The following CPA6 variants were observed in gnomAD, a reference collection of about 807,000 sequenced individuals.
CPA6 encodes carboxypeptidase A6.
Under a neutral mutation model 63.3 loss-of-function variants are expected in CPA6, and 58 were observed. The ratio of observed to expected loss-of-function variants is 0.92; its 90% CI spans 0.74 to 1.14. The LOEUF (loss-of-function observed/expected upper bound fraction) is 1.14. Ranked by LOEUF, CPA6 falls within the 50% of genes most tolerant of loss-of-function variation. CPA6 has a pLI of 0.00. For synonymous variants in CPA6, 185 were observed against 179.0 expected (o/e 1.03, Z -0.27); for missense variants, 565 against 526.6 (o/e 1.07, Z -0.71).
rs148242381 is a variant in CPA6 at position 67,691,292 on chromosome 8, C to T, written c.116+54722G>A. On this transcript the variant is annotated intron_variant, in intron 1 of 10. Transcript: ENST00000297770. Reference sequence around the variant, plus strand: ...CGAGGTTGGTGGTGACTATCAATATCTTTGTGTTCTTCTCCTTCCTTGGTA... The same window carrying T: ...CGAGGTTGGTGGTGACTATCAATATTTTTGTGTTCTTCTCCTTCCTTGGTA... Among the ~76,000 whole-genome samples the T allele has an allele frequency of 2.1e-4, 32 of 152,294 alleles. No individual in the cohort carries two copies. In the Middle Eastern group the frequency reaches 0.01, roughly 49 times the overall value.
At chr8:67,581,075 G>A (rs539401498) in intron 2 of CPA6, among the ~76,000 whole-genome samples, 4 of 152,254 alleles carry the variant, frequency 2.6e-5, no homozygotes, top group South Asian at 4.1e-4. Flanking sequence ...CCATGTTGAC[G>A]AGGGATGTCT....
At chr8:67,471,000 G>A (rs1003881671) in intron 8 of CPA6, among the ~76,000 whole-genome samples, 1 of 152,096 alleles carries the variant, frequency 6.6e-6, no homozygotes, top group African/African-American at 2.4e-5. Context: ...ACTCTCCAGC[G>A]CTTTCCCAAC....
chr8:67,681,291 G>A (rs1360414861), intron 1 of CPA6, among the ~76,000 whole-genome samples: 1 of 140,158 alleles, frequency 7.1e-6, no homozygotes, highest in East Asian at 2.1e-4. Flanking sequence ...CTCACTGCAA[G>A]CTCCGCTTCC....
Position 67,649,887 on chromosome 8 carries a change from G to T in CPA6, c.117-25636C>A, listed in dbSNP as rs560964923. On this transcript the variant is annotated intron_variant, in intron 1 of 10. Coordinates refer to ENST00000297770, the MANE Select transcript of CPA6 (RefSeq NM_020361.5). The stretch of plus-strand genomic sequence containing the variant: ...GGAAAAGGAAAGGGAAAGCGGCAAA[G>T]TGACAACATTGCAAGCAGCCCATGG... 7.0e-3 allele frequency among the ~76,000 whole-genome samples: 1,063 copies of T among 152,286 alleles called. 15 individuals are homozygous for T. The highest frequency in any genetic ancestry group is 0.024 in the African/African-American group (1,012 of 41,564).
chr8:67,511,468 A>T, intron 4 of CPA6, 73 bp downstream of exon 4: 1 of 833,300 alleles, frequency 1.2e-6, no homozygotes, highest in South Asian at 1.4e-5. Context: ...TAAAACACAT[A>T]ATTTTCTCCC....
At chr8:67,629,883 G>A (rs932654534) in intron 1 of CPA6, among the ~76,000 whole-genome samples, 1 of 151,960 alleles carries the variant, frequency 6.6e-6, no homozygotes, top group Non-Finnish European at 1.5e-5. Context: ...GAGGCGGGTG[G>A]ATCACGAGGT....
chr8:67,472,719 C>T (rs562096567), intron 8 of CPA6, among the ~76,000 whole-genome samples: 46 of 152,174 alleles, frequency 3.0e-4, no homozygotes, highest in Non-Finnish European at 4.3e-4. Context: ...TGAACCATTG[C>T]GCCTGGCTTG....
At chr8:67,694,572 T>C (rs1053302342) in intron 1 of CPA6, among the ~76,000 whole-genome samples, 5 of 152,218 alleles carry the variant, frequency 3.3e-5, no homozygotes, top group African/African-American at 1.2e-4. Context: ...ACAATTAAGT[T>C]ACATGAAGAA....
intron 8 of CPA6, among the ~76,000 whole-genome samples, chr8:67,444,362 C>CT (rs1450277677): frequency 6.6e-6 from 1 of 152,100 alleles, no homozygotes; most frequent in Non-Finnish European, 1.5e-5. Flanking sequence ...AGGAAGATGT[C>CT]TATTTCATTT....
chr8:67,716,945 T>A (rs751152640), intron 1 of CPA6, among the ~76,000 whole-genome samples: 1 of 152,108 alleles, frequency 6.6e-6, no homozygotes, highest in Non-Finnish European at 1.5e-5. Context: ...ATTCCACACA[T>A]GGTAGGGTTT....
intron 6 of CPA6, among the ~76,000 whole-genome samples, chr8:67,488,805 C>T (rs980696264): frequency 3.9e-5 from 6 of 152,138 alleles, no homozygotes; most frequent in Admixed American, 3.9e-4. Context: ...ATTTTATTCT[C>T]TTTGTAGCAA....
intron 2 of CPA6, among the ~76,000 whole-genome samples, chr8:67,548,374 C>T (rs1423186858): frequency 6.6e-6 from 1 of 151,766 alleles, no homozygotes; most frequent in Non-Finnish European, 1.5e-5. Flanking sequence ...GCCTCAGCCT[C>T]CTGAGCAGCT....
At chr8:67,652,227 G>A (rs1815864652) in intron 1 of CPA6, among the ~76,000 whole-genome samples, 1 of 152,146 alleles carries the variant, frequency 6.6e-6, no homozygotes, top group Non-Finnish European at 1.5e-5. Flanking sequence ...CTTTATAGCA[G>A]CATGATTTAT....
rs60236534 is a variant in CPA6 at position 67,422,705 on chromosome 8, C to CA, written c.1127-15dup. On this transcript the variant is annotated splice_polypyrimidine_tract_variant and intron_variant, in intron 10 of 10. Coordinates refer to ENST00000297770, the MANE Select transcript of CPA6 (RefSeq NM_020361.5). ...CAGAGCTCACATCTAAAAGTTAAAA[C>CA]AAAAAAAAAAAGATCAGCCTCACTA... 0.035 allele frequency: 39,937 copies of CA among 1,130,506 alleles called. 200 individuals are homozygous for CA. The highest frequency in any genetic ancestry group is 0.11 in the African/African-American group (6,743 of 61,806). 70.0% of individuals were successfully genotyped at this position (1,130,506 alleles called of 1,614,324 possible).
chr8:67,582,609 GT>G (rs1813805232), intron 2 of CPA6, among the ~76,000 whole-genome samples: 1 of 152,148 alleles, frequency 6.6e-6, no homozygotes, highest in African/African-American at 2.4e-5. Context: ...GTGAGCTGAA[GT>G]TTCATCATGT....
At chr8:67,475,757 TTC>T (rs1811161389) in intron 8 of CPA6, among the ~76,000 whole-genome samples, 1 of 136,944 alleles carries the variant, frequency 7.3e-6, no homozygotes, top group Admixed American at 7.7e-5. Flanking sequence ...CTTTCTTTTT[TTC>T]TTTCTTTCTC....
chr8:67,629,818 C>T (rs1815280802), intron 1 of CPA6, among the ~76,000 whole-genome samples: 1 of 151,980 alleles, frequency 6.6e-6, no homozygotes, highest in Non-Finnish European at 1.5e-5. Flanking sequence ...ACTTTTTATT[C>T]ATTCCTGGCT....
At chr8:67,429,386 C>T (rs1290803435) in intron 9 of CPA6, among the ~76,000 whole-genome samples, 1 of 152,188 alleles carries the variant, frequency 6.6e-6, no homozygotes. Flanking sequence ...ATACAACTCT[C>T]CGATTTCAGC....
chr8:67,728,999 G>A (rs764740384), intron 1 of CPA6, among the ~76,000 whole-genome samples: 1 of 152,192 alleles, frequency 6.6e-6, no homozygotes, highest in African/African-American at 2.4e-5. Flanking sequence ...AAGATGAAGT[G>A]ACTTCATTAA....
Sources: gnomAD v4.1 joint callset for allele counts (sites outside exome capture counted in the v4.1 genomes callset) on GRCh38, gnomAD v4.1.1 for gene constraint, MANE v1.5 for transcripts, NCBI Gene and HGNC (gene_info 2026-07-23, HGNC 2026-07-21) for gene names.